USP34: variants seen among roughly 807,000 people sequenced by gnomAD.
The protein encoded by USP34 is ubiquitin carboxyl-terminal hydrolase 34.
Under a neutral mutation model 460.3 loss-of-function variants are expected in USP34, and 70 were observed. The observed-to-expected ratio is 0.15, with a 90% CI of 0.13 to 0.19. The LOEUF (loss-of-function observed/expected upper bound fraction) is 0.19, where lower values mean the gene tolerates loss of function less well. Ranked by LOEUF, USP34 falls within the 10% of genes least tolerant of loss-of-function variation. The pLI is 1.00. For synonymous variants in USP34, 1,647 were observed against 1,405.3 expected (o/e 1.17, Z -3.85); for missense variants, 3,985 against 4,236.2 (o/e 0.94, Z 1.65).
chr2:61,315,536 G>T lies in USP34; in HGVS notation c.3283-562C>A, dbSNP rs191480538. On this transcript the variant is annotated intron_variant, in intron 23 of 79. Transcript: ENST00000398571. Reference sequence around the variant, plus strand: ...TTACAGGCATGCGCCACAACATCTGGCTAATTTTTTTGTATTTTAGTAGAG... The same window carrying T: ...TTACAGGCATGCGCCACAACATCTGTCTAATTTTTTTGTATTTTAGTAGAG... 2.0e-3 allele frequency among the ~76,000 whole-genome samples: 303 copies of T among 152,082 alleles called. 2 individuals carry two copies. Among genetic ancestry groups the T allele is most frequent in the Non-Finnish European group, 3.0e-3 (204 of 67,978 alleles).
chr2:61,221,192 G>A (rs181117110), intron 66 of USP34, among the ~76,000 whole-genome samples: 5 of 152,290 alleles, frequency 3.3e-5, no homozygotes, highest in Admixed American at 2.6e-4. Flanking sequence ...GGTGGCTGGT[G>A]CTTCCTCTAC....
chr2:61,429,318 G>A (rs1278546826), intron 1 of USP34, among the ~76,000 whole-genome samples: 10 of 152,088 alleles, frequency 6.6e-5, no homozygotes, highest in African/African-American at 2.4e-4. Context: ...ATGGTGGTGG[G>A]CACCTGTAGT....
intron 2 of USP34, 91 bp from the exon 3 acceptor site, chr2:61,406,219 T>A: frequency 8.7e-7 from 1 of 1,145,564 alleles, no homozygotes; most frequent in South Asian, 1.9e-5. Flanking sequence ...AATACTAAGT[T>A]ATTTCTAGAC....
At chr2:61,389,907 G>A (rs1386523362) in intron 5 of USP34, among the ~76,000 whole-genome samples, 5 of 151,808 alleles carry the variant, frequency 3.3e-5, no homozygotes, top group African/African-American at 7.3e-5. Flanking sequence ...GAAAAACAGC[G>A]TTCTGCATCA....
chr2:61,372,269 G>A (rs1310156948), intron 8 of USP34, among the ~76,000 whole-genome samples: 1 of 151,360 alleles, frequency 6.6e-6, no homozygotes, highest in Non-Finnish European at 1.5e-5. Context: ...GGACCTCAAA[G>A]GGTAAAACAT....
intron 1 of USP34, among the ~76,000 whole-genome samples, chr2:61,457,948 C>T (rs758669133): frequency 5.6e-4 from 85 of 152,074 alleles, no homozygotes; most frequent in Admixed American, 4.6e-4. Flanking sequence ...TTGATATATC[C>T]GAGAAAACAG....
chr2:61,203,094 G>T, intron 75 of USP34, 46 bp downstream of exon 75: 2 of 1,474,028 alleles, frequency 1.4e-6, no homozygotes, highest in Non-Finnish European at 1.8e-6. Context: ...ATGACTAGGG[G>T]CTTAAAATAA....
intron 1 of USP34, among the ~76,000 whole-genome samples, chr2:61,454,656 T>C (rs1008445488): frequency 6.6e-6 from 1 of 151,908 alleles, no homozygotes; most frequent in Non-Finnish European, 1.5e-5. Context: ...TTCAAGTGAT[T>C]CTCCTGCCTC....
intron 10 of USP34, among the ~76,000 whole-genome samples, chr2:61,354,846 G>A (rs1692057515): frequency 6.6e-6 from 1 of 152,170 alleles, no homozygotes; most frequent in Admixed American, 6.5e-5. Context: ...GGGTGATCAG[G>A]TAGTTGCCAG....
chr2:61,324,370 C>T (rs557861224), intron 21 of USP34, among the ~76,000 whole-genome samples: 1 of 152,282 alleles, frequency 6.6e-6, no homozygotes, highest in South Asian at 2.1e-4. Flanking sequence ...CTAAATGTCT[C>T]CATCACCCAT....
intron 1 of USP34, among the ~76,000 whole-genome samples, chr2:61,455,068 G>C (rs1695397020): frequency 6.6e-6 from 1 of 151,462 alleles, no homozygotes; most frequent in Non-Finnish European, 1.5e-5. Flanking sequence ...TTTTAGTAGG[G>C]ACAGGGTTTC....
intron 1 of USP34, among the ~76,000 whole-genome samples, chr2:61,428,577 T>G (rs1694577323): frequency 6.6e-6 from 1 of 152,148 alleles, no homozygotes; most frequent in Non-Finnish European, 1.5e-5. Flanking sequence ...TTAACCTGAA[T>G]CTGATCAAGC....
At chr2:61,402,462 T>C (rs967705637) in intron 3 of USP34, among the ~76,000 whole-genome samples, 37 of 152,162 alleles carry the variant, frequency 2.4e-4, no homozygotes, top group African/African-American at 8.7e-4. Flanking sequence ...CAGTAATTAG[T>C]TCAAAATGAT....
intron 1 of USP34, among the ~76,000 whole-genome samples, chr2:61,448,403 T>C (rs1385117776): frequency 6.6e-6 from 1 of 151,982 alleles, no homozygotes; most frequent in Non-Finnish European, 1.5e-5. Flanking sequence ...AGTAAGCTGA[T>C]AATAGCACCA....
intron 1 of USP34, among the ~76,000 whole-genome samples, chr2:61,430,059 C>CA (rs1353485598): frequency 6.6e-6 from 1 of 151,916 alleles, no homozygotes; most frequent in Non-Finnish European, 1.5e-5. Flanking sequence ...ACTAAAAATA[C>CA]AAAAAATTAG....
chr2:61,394,894 G>A lies in USP34; in HGVS notation c.712C>T (p.Pro238Ser). ...CFEYGTPETL[P>S]FLIAHAFITV... ...ATAAACGCATGTGCTATAAGAAATG[G>A]CAAAGTTTCAGGAGTTCCATATTCA... Residue 238 changes from proline (P) to serine (S), a missense_variant, in exon 5 of 80, where the codon CCA becomes TCA. Coordinates refer to ENST00000398571, the MANE Select transcript of USP34 (RefSeq NM_014709.4). 1 of 1,597,426 alleles carries A rather than the reference G, an allele frequency of 6.3e-7. No homozygotes were observed. The highest frequency in any genetic ancestry group is 8.5e-7 in the Non-Finnish European group (1 of 1,174,582).
chr2:61,338,963 G>A (rs528589965), intron 18 of USP34, among the ~76,000 whole-genome samples: 81 of 152,262 alleles, frequency 5.3e-4, no homozygotes, highest in African/African-American at 1.9e-3. Context: ...ATATCAAAGT[G>A]TTTATGTTGT....
intron 21 of USP34, among the ~76,000 whole-genome samples, chr2:61,320,592 G>T (rs567716962): frequency 6.6e-6 from 1 of 152,208 alleles, no homozygotes. Context: ...TCATCCAGGC[G>T]CAGTGGCTTA....
chr2:61,252,626 G>C (rs1688617427), intron 48 of USP34, among the ~76,000 whole-genome samples: 1 of 152,158 alleles, frequency 6.6e-6, no homozygotes, highest in African/African-American at 2.4e-5. Flanking sequence ...GGGAAACAAG[G>C]AATGAAAGAT....
Sources: gnomAD v4.1 joint callset for allele counts (sites outside exome capture counted in the v4.1 genomes callset) on GRCh38, gnomAD v4.1.1 for gene constraint, MANE v1.5 for transcripts, NCBI Gene and HGNC (gene_info 2026-07-23, HGNC 2026-07-21) for gene names.